Variants in NCAM1 observed in about 807,000 individuals in gnomAD.
NCAM1 encodes the protein antigen recognized by monoclonal antibody 5.1H11.
In NCAM1, 14 loss-of-function variants were observed where a neutral mutation model predicts 109.8. The ratio of observed to expected loss-of-function variants is 0.13; its 90% CI spans 0.08 to 0.20. NCAM1 has a LOEUF of 0.20. Among genes scored for constraint, NCAM1 ranks in the 10% least tolerant of loss-of-function variants. The pLI is 1.00. For missense variants in NCAM1, 774 were observed against 1,109.9 expected (o/e 0.70, Z 4.30); for synonymous variants, 418 against 442.9 (o/e 0.94, Z 0.70).
intron 15 of NCAM1, among the ~76,000 whole-genome samples, chr11:113,246,785 A>G (rs1206549946): frequency 6.6e-6 from 1 of 152,270 alleles, no homozygotes; most frequent in Non-Finnish European, 1.5e-5. Context: ...CATTCCTGTG[A>G]AAATGTTTAC....
intron 1 of NCAM1, among the ~76,000 whole-genome samples, chr11:113,019,595 T>G (rs782753439): frequency 1.3e-5 from 2 of 152,228 alleles, no homozygotes; most frequent in Non-Finnish European, 2.9e-5. Context: ...TTTACACTGT[T>G]CTTGGGCCAT....
At chr11:113,263,065 G>C (rs782357323) in intron 17 of NCAM1, 4 of 1,410,896 alleles carry the variant, frequency 2.8e-6, no homozygotes, top group Non-Finnish European at 3.7e-6. Flanking sequence ...AAGGTTTTGT[G>C]ATTGGAAAAA....
At chr11:113,251,721 C>T (rs782232973) in intron 15 of NCAM1, among the ~76,000 whole-genome samples, 6 of 152,164 alleles carry the variant, frequency 3.9e-5, no homozygotes, top group Non-Finnish European at 7.3e-5. Context: ...TGCTGAATCG[C>T]AAACCAACAT....
Position 112,961,668 on chromosome 11 carries a change from CA to C in NCAM1, c.52+5del, listed in dbSNP as rs1555063081. On this transcript the variant is annotated splice_donor_5th_base_variant and intron_variant, in intron 1 of 19. Transcript: ENST00000316851. Reference sequence around the variant, plus strand: ...TTGTTTTTCCTGGGAACTGCAGGTACATTTTTTTTTTTTTTAATTCTCAATC... The same window carrying C: ...TTGTTTTTCCTGGGAACTGCAGGTACTTTTTTTTTTTTTTAATTCTCAATC... 6 of 1,406,166 alleles carry C rather than the reference CA, an allele frequency of 4.3e-6. No individual in the cohort carries two copies. The Admixed American group carries it at 5.7e-5, about 13-fold the overall frequency. The allele number at this position is 1,406,166 out of a possible 1,614,324, so 87.1% of individuals were successfully genotyped here.
chr11:113,109,198 A>G (rs1403470790), intron 1 of NCAM1, among the ~76,000 whole-genome samples: 1 of 151,590 alleles, frequency 6.6e-6, no homozygotes, highest in Non-Finnish European at 1.5e-5. Flanking sequence ...AAATACAAAA[A>G]TTAACCGGGC....
chr11:113,145,906 GC>G (rs1210550350), intron 1 of NCAM1, among the ~76,000 whole-genome samples: 1 of 152,132 alleles, frequency 6.6e-6, no homozygotes, highest in East Asian at 1.9e-4. Flanking sequence ...AACAAGCATC[GC>G]CATAGAAATT....
chr11:113,190,475 T>C (rs1943644007), intron 1 of NCAM1, among the ~76,000 whole-genome samples: 1 of 152,168 alleles, frequency 6.6e-6, no homozygotes, highest in Non-Finnish European at 1.5e-5. Context: ...ACGGCCACCA[T>C]CTGCTGCTGC....
chr11:113,021,775 T>G (rs1247303771), intron 1 of NCAM1, among the ~76,000 whole-genome samples: 6 of 152,316 alleles, frequency 3.9e-5, no homozygotes, highest in South Asian at 4.1e-4. Context: ...TTTTGTGGCT[T>G]TAAAAACCTG....
At chr11:113,008,552 T>C (rs2135078510) in intron 1 of NCAM1, among the ~76,000 whole-genome samples, 1 of 152,352 alleles carries the variant, frequency 6.6e-6, no homozygotes, top group Admixed American at 6.5e-5. Flanking sequence ...AATTGTTGGT[T>C]TTAAGCCAGT....
Position 113,100,303 on chromosome 11 carries a change from T to C in NCAM1, c.53-102076T>C, listed in dbSNP as rs140662721. Among the ~76,000 whole-genome samples, 782 of 152,190 alleles carry C rather than the reference T, an allele frequency of 5.1e-3. 6 individuals carry two copies. Among genetic ancestry groups the C allele is most frequent in the Non-Finnish European group, 8.0e-3 (547 of 68,014 alleles). On this transcript the variant is annotated intron_variant, in intron 1 of 19. Transcript: ENST00000316851. ...GGTGCCAGGGCTGGGGTGAGCACTT[T>C]TGGGCTCTGGCCCCACAGTAGCATC...
At chr11:113,254,892 G>A (rs557263869) in intron 15 of NCAM1, among the ~76,000 whole-genome samples, 4 of 152,218 alleles carry the variant, frequency 2.6e-5, no homozygotes, top group Non-Finnish European at 2.9e-5. Flanking sequence ...TATATGAGAC[G>A]TCCTCTCACC....
At chr11:112,981,340 G>C (rs1269609942) in intron 1 of NCAM1, among the ~76,000 whole-genome samples, 1 of 151,908 alleles carries the variant, frequency 6.6e-6, no homozygotes, top group African/African-American at 2.4e-5. Context: ...GCATTTTAAA[G>C]CAAGGCTAAG....
At chr11:113,029,198 G>C (rs147281739) in intron 1 of NCAM1, among the ~76,000 whole-genome samples, 142 of 152,288 alleles carry the variant, frequency 9.3e-4, no homozygotes, top group African/African-American at 3.2e-3. Context: ...ATAACTGTAT[G>C]TGTTTCTTGG....
chr11:112,982,099 G>A (rs1313363704), intron 1 of NCAM1, among the ~76,000 whole-genome samples: 1 of 151,864 alleles, frequency 6.6e-6, no homozygotes, highest in Non-Finnish European at 1.5e-5. Context: ...GATGTTTTAT[G>A]TGGTGGTTTT....
At chr11:113,255,597 G>GAA (rs34738476) in intron 15 of NCAM1, among the ~76,000 whole-genome samples, 12,899 of 92,366 alleles carry the variant, frequency 0.14, 1,076 homozygotes, top group East Asian at 0.29. Context: ...TGAGACAGGG[G>GAA]AAAAAAAAAA....
chr11:113,206,738 C>A (rs536445808), intron 5 of NCAM1, among the ~76,000 whole-genome samples: 1 of 152,096 alleles, frequency 6.6e-6, no homozygotes, highest in Non-Finnish European at 1.5e-5. Flanking sequence ...TTGCCAAACT[C>A]TCCCCATCTC....
chr11:113,216,732 G>A (rs1555114448), intron 8 of NCAM1, among the ~76,000 whole-genome samples: 1 of 152,180 alleles, frequency 6.6e-6, no homozygotes, highest in African/African-American at 2.4e-5. Flanking sequence ...AGCTGGTGAT[G>A]TGACACCAGA....
At chr11:113,126,994 T>C (rs1287800198) in intron 1 of NCAM1, among the ~76,000 whole-genome samples, 1 of 152,230 alleles carries the variant, frequency 6.6e-6, no homozygotes, top group Non-Finnish European at 1.5e-5. Flanking sequence ...TCCTGTTTGT[T>C]TTCTGTGCCT....
intron 15 of NCAM1, among the ~76,000 whole-genome samples, chr11:113,250,683 T>C (rs545071700): frequency 3.9e-5 from 6 of 152,384 alleles, no homozygotes; most frequent in African/African-American, 1.2e-4. Flanking sequence ...TAAAAGATTG[T>C]AATGCAAGCC....
Sources: allele counts gnomAD v4.1 joint callset (sites outside exome capture counted in the v4.1 genomes callset), GRCh38; gene constraint gnomAD v4.1.1; transcripts MANE v1.5; gene names NCBI Gene and HGNC (gene_info 2026-07-23, HGNC 2026-07-21).